The following TRHDE variants were observed in gnomAD, a reference collection of about 807,000 sequenced individuals.
The protein encoded by TRHDE is thyrotropin releasing hormone degrading enzyme.
In TRHDE, 72 loss-of-function variants were observed where a neutral mutation model predicts 125.7. That is an observed-to-expected ratio of 0.57 (90% CI 0.47 to 0.70). The LOEUF (loss-of-function observed/expected upper bound fraction) is 0.70, where lower values mean the gene tolerates loss of function less well. Among genes scored for constraint, TRHDE ranks in the 30% least tolerant of loss-of-function variants. The pLI is 0.00. For missense variants in TRHDE, 1,110 were observed against 1,327.1 expected (o/e 0.84, Z 2.54); for synonymous variants, 509 against 509.1 (o/e 1.00, Z 0.00).
intron 2 of TRHDE, among the ~76,000 whole-genome samples, chr12:72,187,687 C>A (rs781271245): frequency 6.6e-6 from 1 of 152,160 alleles, no homozygotes; most frequent in African/African-American, 2.4e-5. Context: ...TTCATCATTT[C>A]TGGAAACACC....
chr12:72,658,872 G>A (rs547257976), intron 18 of TRHDE, among the ~76,000 whole-genome samples: 3 of 152,164 alleles, frequency 2.0e-5, no homozygotes, highest in African/African-American at 4.8e-5. Context: ...GATGCTGCCT[G>A]AGGCTTTTGA....
intron 3 of TRHDE, among the ~76,000 whole-genome samples, chr12:72,384,675 C>A (rs1872336073): frequency 6.6e-6 from 1 of 152,066 alleles, no homozygotes; most frequent in African/African-American, 2.4e-5. Flanking sequence ...ATGGAGTCAA[C>A]ATTTTTCTAT....
intron 3 of TRHDE, among the ~76,000 whole-genome samples, chr12:72,381,930 G>A (rs1432990005): frequency 2.0e-5 from 3 of 152,262 alleles, no homozygotes; most frequent in Admixed American, 1.3e-4. Context: ...TGGAATTTGG[G>A]TGAGTAATCT....
intron 3 of TRHDE, among the ~76,000 whole-genome samples, chr12:72,449,344 A>G (rs939295180): frequency 6.6e-6 from 1 of 152,096 alleles, no homozygotes; most frequent in African/African-American, 2.4e-5. Flanking sequence ...GTGGAAATCA[A>G]CACTGGTAAT....
chr12:72,403,311 GAAC>G (rs1373249275), intron 3 of TRHDE, among the ~76,000 whole-genome samples: 3 of 152,252 alleles, frequency 2.0e-5, no homozygotes, highest in Middle Eastern at 3.4e-3. Context: ...GAAATACAGG[GAAC>G]ATTCAGGGCC....
intron 2 of TRHDE, among the ~76,000 whole-genome samples, chr12:72,122,420 T>C (rs1403524640): frequency 6.6e-6 from 1 of 152,198 alleles, no homozygotes; most frequent in Non-Finnish European, 1.5e-5. Context: ...AGTGACAAAA[T>C]AGACTGTTTA....
At chr12:72,656,276 A>C (rs1874706172) in intron 17 of TRHDE, among the ~76,000 whole-genome samples, 2 of 152,312 alleles carry the variant, frequency 1.3e-5, no homozygotes, top group Non-Finnish European at 1.5e-5. Flanking sequence ...GTTTTACTTT[A>C]ATGTACACAT....
At chr12:72,641,156 A>C (rs35902343) in intron 15 of TRHDE, among the ~76,000 whole-genome samples, 22,254 of 152,174 alleles carry the variant, frequency 0.15, 2,228 homozygotes, top group East Asian at 0.54. Context: ...ACTTGCTTAG[A>C]AATAGACTTA....
At chr12:72,230,453 A>G (rs781308717) in intron 2 of TRHDE, among the ~76,000 whole-genome samples, 1 of 152,196 alleles carries the variant, frequency 6.6e-6, no homozygotes, top group African/African-American at 2.4e-5. Context: ...TAATGTATCA[A>G]TCACATCATA....
At chr12:72,226,977 C>A (rs74103647) in intron 2 of TRHDE, among the ~76,000 whole-genome samples, 2 of 152,082 alleles carry the variant, frequency 1.3e-5, no homozygotes, top group Non-Finnish European at 2.9e-5. Context: ...AAATAAAGCA[C>A]CCTTAGTTGC....
chr12:72,457,021 A>C (rs1875888955), intron 3 of TRHDE, among the ~76,000 whole-genome samples: 1 of 152,176 alleles, frequency 6.6e-6, no homozygotes, highest in South Asian at 2.1e-4. Context: ...ATAACAAAGC[A>C]TTAGGTACCT....
intron 2 of TRHDE, among the ~76,000 whole-genome samples, chr12:72,227,226 C>A (rs1878146295): frequency 6.6e-6 from 1 of 152,002 alleles, no homozygotes; most frequent in Non-Finnish European, 1.5e-5. Flanking sequence ...AAAGACATAC[C>A]TAAGACTGGA....
At chr12:72,242,291 A>G (rs766264031) in intron 2 of TRHDE, among the ~76,000 whole-genome samples, 1 of 152,092 alleles carries the variant, frequency 6.6e-6, no homozygotes, top group Non-Finnish European at 1.5e-5. Flanking sequence ...CCAGCAATTT[A>G]TAGTTCCCTG....
At chr12:72,193,173 T>C (rs1318924640) in intron 2 of TRHDE, among the ~76,000 whole-genome samples, 1 of 152,094 alleles carries the variant, frequency 6.6e-6, no homozygotes, top group East Asian at 1.9e-4. Context: ...AAGTTTGTCT[T>C]TATAAAGATT....
At chr12:72,572,018 C>T (rs1199620673) in intron 10 of TRHDE, among the ~76,000 whole-genome samples, 1 of 149,458 alleles carries the variant, frequency 6.7e-6, no homozygotes, top group African/African-American at 2.5e-5. Context: ...CACACACACA[C>T]GATTTATTGC....
chr12:72,579,667 C>T (rs1871149563), intron 12 of TRHDE, among the ~76,000 whole-genome samples: 1 of 152,064 alleles, frequency 6.6e-6, no homozygotes, highest in African/African-American at 2.4e-5. Context: ...CATAGGGCTT[C>T]CCTGTCTGAA....
intron 12 of TRHDE, among the ~76,000 whole-genome samples, chr12:72,606,684 A>G (rs1872458452): frequency 6.6e-6 from 1 of 152,148 alleles, no homozygotes; most frequent in South Asian, 2.1e-4. Flanking sequence ...TTTAGACCCT[A>G]CTTTGTTTTT....
At chr12:72,441,436 G>A (rs1173478106) in intron 3 of TRHDE, among the ~76,000 whole-genome samples, 1 of 151,800 alleles carries the variant, frequency 6.6e-6, no homozygotes, top group Non-Finnish European at 1.5e-5. Flanking sequence ...AAAGCCTTCA[G>A]TGAGTAGTAA....
chr12:72,518,652 G>A (rs1242406208), intron 6 of TRHDE, among the ~76,000 whole-genome samples: 1 of 151,930 alleles, frequency 6.6e-6, no homozygotes, highest in Non-Finnish European at 1.5e-5. Flanking sequence ...TACATTTAAA[G>A]TTAATATTGT....
Sources: allele counts gnomAD v4.1 joint callset (sites outside exome capture counted in the v4.1 genomes callset), GRCh38; gene constraint gnomAD v4.1.1; transcripts MANE v1.5; gene names NCBI Gene and HGNC (gene_info 2026-07-23, HGNC 2026-07-21).